The following HMGCL variants were observed in gnomAD, a reference collection of about 807,000 sequenced individuals.
HMGCL encodes hydroxymethylglutaryl-CoA lyase, mitochondrial.
Under a neutral mutation model 37.3 loss-of-function variants are expected in HMGCL, and 26 were observed. The ratio of observed to expected loss-of-function variants is 0.70; its 90% CI spans 0.51 to 0.97. The LOEUF is 0.97. HMGCL is among the 50% of genes least tolerant of loss of function. The probability of loss-of-function intolerance (pLI) is 0.00; values close to 1 mark genes in which losing one functional copy is unlikely to be tolerated. For synonymous variants in HMGCL, 151 were observed against 148.0 expected (o/e 1.02, Z -0.15); for missense variants, 379 against 398.1 (o/e 0.95, Z 0.41).
intron 5 of HMGCL, chr1:23,813,878 T>C: frequency 1.2e-5 from 5 of 418,656 alleles, no homozygotes; most frequent in Non-Finnish European, 2.2e-5. Flanking sequence ...ATAGCAGTGG[T>C]GCTATCATGG....
intron 1 of HMGCL, among the ~76,000 whole-genome samples, chr1:23,820,955 G>A (rs1638708114): frequency 6.6e-6 from 1 of 152,092 alleles, no homozygotes; most frequent in African/African-American, 2.4e-5. Flanking sequence ...CAAAGGCATC[G>A]CATGTACCCT....
rs1301375960 is a variant in HMGCL at position 23,804,383 on chromosome 1, G to C, written c.876+17C>G. The C allele has an allele frequency of 1.2e-6, 2 of 1,613,974 alleles. No homozygotes were observed. Among genetic ancestry groups the C allele is most frequent in the Non-Finnish European group, 1.7e-6 (2 of 1,180,022 alleles). ...GTCAGTTCGGGGCTGTCGCCACCAG[G>C]GGGTGGGTGGGCTTACCGTGTGAAT... On this transcript the variant is annotated intron_variant, in intron 8 of 8. Coordinates refer to ENST00000374490, the MANE Select transcript of HMGCL (RefSeq NM_000191.3).
chr1:23,814,421 A>C (rs1477405201), intron 4 of HMGCL, 83 bp from the exon 5 acceptor site: 1 of 1,506,440 alleles, frequency 6.6e-7, no homozygotes, highest in African/African-American at 1.4e-5. Flanking sequence ...CCCAGGCTGG[A>C]GTGCAGTGGC....
chr1:23,817,920 T>C (rs886156577), intron 2 of HMGCL, among the ~76,000 whole-genome samples: 24 of 152,322 alleles, frequency 1.6e-4, no homozygotes, highest in African/African-American at 4.6e-4. Context: ...GACTTCAGCC[T>C]CATGTGTTCA....
chr1:23,813,880 C>T (rs924693803), intron 5 of HMGCL: 3 of 421,252 alleles, frequency 7.1e-6, no homozygotes, highest in African/African-American at 2.0e-5. Flanking sequence ...AGCAGTGGTG[C>T]TATCATGGCT....
intron 6 of HMGCL, chr1:23,809,841 T>G (rs1257959979): frequency 6.6e-6 from 1 of 152,334 alleles, no homozygotes; most frequent in African/African-American, 2.4e-5. Flanking sequence ...AATGGTGACG[T>G]CGCTTCCCCA....
At chr1:23,813,237 T>G (rs1479740142) in intron 5 of HMGCL, among the ~76,000 whole-genome samples, 1 of 145,116 alleles carries the variant, frequency 6.9e-6, no homozygotes, top group African/African-American at 2.6e-5. Flanking sequence ...GTTTTTTTTT[T>G]TTTTTTTTTT....
chr1:23,816,085 T>C (rs1423717029), intron 4 of HMGCL, among the ~76,000 whole-genome samples: 2 of 103,404 alleles, frequency 1.9e-5, no homozygotes, highest in Non-Finnish European at 4.0e-5. Context: ...AGCCAGCTAA[T>C]TGATTTTTTT....
chr1:23,814,214 T>C lies in HMGCL; in HGVS notation c.473A>G (p.Gln158Arg). The C allele has an allele frequency of 6.2e-7, 1 of 1,614,044 alleles. No individual in the cohort carries two copies. Residue 158 changes from glutamine to arginine, a missense_variant, in exon 5 of 9, where the codon CAG becomes CGG. Physicochemically the swap from Gln to Arg is conservative, Grantham distance 43 (BLOSUM62 1). Transcript: ENST00000374490. Reference protein sequence around the residue: ...QRFDAILKAAQSANISVRGYV... With the variant: ...QRFDAILKAARSANISVRGYV... ...CCCCCGCACAGAAATATTGGCTGAC[T>C]GCGCTGCCTTCAGGATTGCGTCAAA...
At position 23,802,001 on chromosome 1, in the gene HMGCL, T is replaced by C. The variant is rs1010817914; in HGVS notation, c.*462A>G. 1.9e-5 allele frequency: 8 copies of C among 428,298 alleles called. No homozygotes were observed. Among genetic ancestry groups the C allele is most frequent in the African/African-American group, 1.6e-4 (8 of 49,888 alleles). The allele number at this position is 428,298 out of a possible 1,614,324, so 26.5% of individuals were successfully genotyped here. On this transcript the variant is annotated 3_prime_UTR_variant, in exon 9 of 9. Transcript: ENST00000374490. ...ACGGCCACCACGTAGCTCTCCACTT[T>C]CCACAAATGGCCTCTGCCAGCTTGG...
At chr1:23,824,888 A>G (rs553363776) in intron 1 of HMGCL, among the ~76,000 whole-genome samples, 1 of 152,348 alleles carries the variant, frequency 6.6e-6, no homozygotes, top group African/African-American at 2.4e-5. Flanking sequence ...TGCAATTCCA[A>G]GGGAATCACA....
intron 1 of HMGCL, among the ~76,000 whole-genome samples, chr1:23,822,991 C>T (rs1638748663): frequency 6.6e-6 from 1 of 152,202 alleles, no homozygotes; most frequent in South Asian, 2.1e-4. Context: ...GCCTAGCCAA[C>T]ATGGTGAAGC....
rs373505626 is a variant in HMGCL at position 23,810,809 on chromosome 1, G to T, written c.498-10C>A. Reference sequence around the variant, plus strand: ...AGCACAGGAGACGTACCTGTGGGAAGACAGGGGAGGAATGAGGTCAGTGTC... The same window carrying T: ...AGCACAGGAGACGTACCTGTGGGAATACAGGGGAGGAATGAGGTCAGTGTC... On this transcript the variant is annotated splice_polypyrimidine_tract_variant and intron_variant, in intron 5 of 8. Transcript: ENST00000374490. The T allele has an allele frequency of 1.9e-4, 311 of 1,612,244 alleles. 1 individual carries two copies. Among genetic ancestry groups the T allele is most frequent in the Non-Finnish European group, 2.6e-4 (301 of 1,178,454 alleles).
intron 2 of HMGCL, among the ~76,000 whole-genome samples, chr1:23,817,821 A>G (rs1451791955): frequency 1.3e-5 from 2 of 152,250 alleles, no homozygotes; most frequent in Admixed American, 1.3e-4. Context: ...ATGGCCTGAA[A>G]GGGCAGAGAT....
At chr1:23,819,598 AGGG>A (rs1638674356) in intron 2 of HMGCL, among the ~76,000 whole-genome samples, 6 of 152,104 alleles carry the variant, frequency 3.9e-5, no homozygotes, top group Admixed American at 2.0e-4. Context: ...GCATGGTGGC[AGGG>A]GCCTGTAATC....
intron 1 of HMGCL, 145 bp from the exon 2 acceptor site, chr1:23,820,738 TTTAGAA>T (rs1557493677): frequency 8.6e-6 from 6 of 701,370 alleles, no homozygotes; most frequent in Non-Finnish European, 1.6e-5. Context: ...TTTGGTCTAT[TTTAGAA>T]TTAAGAACAA....
chr1:23,823,580 C>G (rs983151636), intron 1 of HMGCL, among the ~76,000 whole-genome samples: 2 of 151,926 alleles, frequency 1.3e-5, no homozygotes, highest in Non-Finnish European at 2.9e-5. Flanking sequence ...CCCGAACTCC[C>G]GACCTCAAGT....
At chr1:23,810,926 G>C in intron 5 of HMGCL, 127 bp from the exon 6 acceptor site, 1 of 742,502 alleles carries the variant, frequency 1.3e-6, no homozygotes, top group East Asian at 2.8e-5. Flanking sequence ...GGCGGAGTAA[G>C]GGCAGGGATG....
intron 5 of HMGCL, 84 bp from the exon 6 acceptor site, chr1:23,810,883 T>A: frequency 9.2e-7 from 1 of 1,081,828 alleles, no homozygotes; most frequent in Non-Finnish European, 1.4e-6. Flanking sequence ...TAACACACAT[T>A]TCTGATCAGT....
Sources: gnomAD v4.1 joint callset for allele counts (sites outside exome capture counted in the v4.1 genomes callset) on GRCh38, gnomAD v4.1.1 for gene constraint, MANE v1.5 for transcripts, NCBI Gene and HGNC (gene_info 2026-07-23, HGNC 2026-07-21) for gene names.